The following ITPRID1 variants were observed in gnomAD, a reference collection of about 807,000 sequenced individuals.
ITPRID1 encodes the protein protein ITPRID1.
A neutral mutation model predicts 95.4 loss-of-function variants in ITPRID1; 96 were observed. That is an observed-to-expected ratio of 1.01 (90% confidence interval 0.85 to 1.19). ITPRID1 has a LOEUF of 1.19. Ranked by LOEUF, ITPRID1 falls within the 50% of genes most tolerant of loss-of-function variation. The pLI, the probability that ITPRID1 is intolerant of heterozygous loss-of-function variation, is 0.00. For missense variants in ITPRID1, 1,339 were observed against 1,252.9 expected (o/e 1.07, Z -1.04); for synonymous variants, 510 against 453.6 (o/e 1.12, Z -1.58).
chr7:31,602,431 T>C (rs538678732), intron 10 of ITPRID1, among the ~76,000 whole-genome samples: 5 of 152,312 alleles, frequency 3.3e-5, no homozygotes, highest in Admixed American at 3.3e-4. Context: ...CTGGAGCAGA[T>C]GTTGCTTATT....
intron 10 of ITPRID1, among the ~76,000 whole-genome samples, chr7:31,626,886 G>A (rs1339636608): frequency 1.3e-5 from 2 of 152,176 alleles, no homozygotes; most frequent in African/African-American, 4.8e-5. Flanking sequence ...ACAGAAAAAT[G>A]TTTGTTTGTG....
intron 1 of ITPRID1, among the ~76,000 whole-genome samples, chr7:31,526,432 T>A (rs1420994531): frequency 6.6e-6 from 1 of 152,186 alleles, no homozygotes; most frequent in Non-Finnish European, 1.5e-5. Flanking sequence ...AAAAATGGTT[T>A]AACATCTGTG....
chr7:31,545,530 C>T (rs1784069625), intron 1 of ITPRID1, among the ~76,000 whole-genome samples: 1 of 152,078 alleles, frequency 6.6e-6, no homozygotes, highest in Non-Finnish European at 1.5e-5. Context: ...CTTTATCAGC[C>T]TTGAAGTCAT....
chr7:31,613,156 G>GT (rs1426413427), intron 10 of ITPRID1, among the ~76,000 whole-genome samples: 2 of 152,132 alleles, frequency 1.3e-5, no homozygotes, highest in Non-Finnish European at 2.9e-5. Context: ...ATAGGATGCT[G>GT]TTTTTCACAG....
At chr7:31,562,379 C>T (rs1784654674) in intron 5 of ITPRID1, among the ~76,000 whole-genome samples, 1 of 152,192 alleles carries the variant, frequency 6.6e-6, no homozygotes, top group Non-Finnish European at 1.5e-5. Context: ...CCAGTTACTA[C>T]TTGATAGGTT....
At chr7:31,564,057 T>C (rs1784713153) in intron 5 of ITPRID1, among the ~76,000 whole-genome samples, 1 of 152,186 alleles carries the variant, frequency 6.6e-6, no homozygotes, top group Admixed American at 6.5e-5. Flanking sequence ...TTGGACGATA[T>C]TCCAAAGAAC....
Position 31,655,210 on chromosome 7 carries a change from C to T in ITPRID1, c.*2381C>T, listed in dbSNP as rs146792833. Reference sequence around the variant, plus strand: ...CATTGCCCCAACTCAGTTCATCTTCCTGATCCTCTCTGTCAGTGGCACAGC... The same window carrying T: ...CATTGCCCCAACTCAGTTCATCTTCTTGATCCTCTCTGTCAGTGGCACAGC... On this transcript the variant is annotated 3_prime_UTR_variant, in exon 15 of 15. Coordinates refer to ENST00000615280, the MANE Select transcript of ITPRID1 (RefSeq NM_001257967.3). Among the ~76,000 whole-genome samples the T allele has an allele frequency of 2.6e-5, 4 of 152,264 alleles. No individual in the cohort carries two copies. In the East Asian group the frequency reaches 5.8e-4, roughly 22 times the overall value.
chr7:31,615,344 G>A (rs1787104912), intron 10 of ITPRID1, among the ~76,000 whole-genome samples: 1 of 152,078 alleles, frequency 6.6e-6, no homozygotes, highest in Non-Finnish European at 1.5e-5. Flanking sequence ...ATACCTCAAT[G>A]TTCCCATCTT....
At chr7:31,615,112 A>T (rs181031226) in intron 10 of ITPRID1, among the ~76,000 whole-genome samples, 227 of 152,362 alleles carry the variant, frequency 1.5e-3, no homozygotes, top group African/African-American at 5.2e-3. Flanking sequence ...CAAAATTCTA[A>T]AAGTTATATA....
chr7:31,569,420 A>G (rs1002229475), intron 5 of ITPRID1, among the ~76,000 whole-genome samples: 1 of 152,126 alleles, frequency 6.6e-6, no homozygotes, highest in Non-Finnish European at 1.5e-5. Context: ...TTTAAGGGCA[A>G]TGTGTCTTTT....
At chr7:31,517,068 G>A (rs924713223) in intron 1 of ITPRID1, among the ~76,000 whole-genome samples, 3 of 152,198 alleles carry the variant, frequency 2.0e-5, no homozygotes, top group African/African-American at 4.8e-5. Context: ...GCAGCAACAA[G>A]ATTTATTGCA....
intron 10 of ITPRID1, among the ~76,000 whole-genome samples, chr7:31,583,848 A>T (rs948686122): frequency 1.3e-5 from 2 of 152,168 alleles, no homozygotes; most frequent in Non-Finnish European, 2.9e-5. Context: ...ACTGCTTCAT[A>T]GTGCACATGC....
chr7:31,521,654 C>A (rs1489674881), intron 1 of ITPRID1, among the ~76,000 whole-genome samples: 26 of 133,124 alleles, frequency 2.0e-4, no homozygotes, highest in African/African-American at 5.5e-4. Flanking sequence ...TTCCTTCCTT[C>A]CTTCCTTCCT....
intron 5 of ITPRID1, 52 bp from the exon 6 acceptor site, chr7:31,569,706 T>C (rs1784916240): frequency 2.7e-6 from 4 of 1,503,618 alleles, no homozygotes; most frequent in Non-Finnish European, 3.6e-6. Flanking sequence ...GAGAAAATCT[T>C]CCGCAAGATA....
chr7:31,612,011 G>GTCTC (rs768507317), intron 10 of ITPRID1, among the ~76,000 whole-genome samples: 3 of 151,790 alleles, frequency 2.0e-5, no homozygotes, highest in Non-Finnish European at 4.4e-5. Flanking sequence ...TGTTTCACAG[G>GTCTC]TCTCTGAGGG....
intron 5 of ITPRID1, among the ~76,000 whole-genome samples, chr7:31,568,677 A>C (rs947138848): frequency 6.6e-6 from 1 of 152,160 alleles, no homozygotes; most frequent in Non-Finnish European, 1.5e-5. Flanking sequence ...CTGATAACCA[A>C]TATTTATTTC....
intron 10 of ITPRID1, among the ~76,000 whole-genome samples, chr7:31,625,693 A>G (rs1268729540): frequency 1.3e-5 from 2 of 152,188 alleles, no homozygotes; most frequent in African/African-American, 4.8e-5. Flanking sequence ...TAGTGGGTGC[A>G]GCGCACCAAC....
intron 1 of ITPRID1, among the ~76,000 whole-genome samples, chr7:31,519,173 G>A (rs958892722): frequency 1.6e-4 from 24 of 152,262 alleles, no homozygotes; most frequent in Middle Eastern, 6.8e-3. Flanking sequence ...GATGCAAAAT[G>A]AGATATTTCT....
chr7:31,646,063 C>T (rs1790439470), intron 12 of ITPRID1, among the ~76,000 whole-genome samples: 1 of 152,186 alleles, frequency 6.6e-6, no homozygotes, highest in African/African-American at 2.4e-5. Flanking sequence ...GTTGGTCTAA[C>T]ATAGGAATGC....
Sources: gnomAD v4.1 joint callset for allele counts (sites outside exome capture counted in the v4.1 genomes callset) on GRCh38, gnomAD v4.1.1 for gene constraint, MANE v1.5 for transcripts, NCBI Gene and HGNC (gene_info 2026-07-23, HGNC 2026-07-21) for gene names.